The following SV2B variants were observed in gnomAD, a reference collection of about 807,000 sequenced individuals.
SV2B encodes the protein synaptic vesicle glycoprotein 2B.
Under a neutral mutation model 73.9 loss-of-function variants are expected in SV2B, and 41 were observed. The ratio of observed to expected loss-of-function variants is 0.56; its 90% confidence interval spans 0.43 to 0.72. The LOEUF is 0.72. Ranked by LOEUF, SV2B falls within the 30% of genes least tolerant of loss-of-function variation. The pLI is 0.00. For missense variants in SV2B, 764 were observed against 857.8 expected, an observed-to-expected ratio of 0.89 and a Z score of 1.37; for synonymous variants, 314 against 314.2, an observed-to-expected ratio of 1.00 and a Z score of 0.01.
chr15:91,240,143 G>A lies in SV2B; in HGVS notation c.452-11676G>A, dbSNP rs1287353890. 6.6e-6 allele frequency among the ~76,000 whole-genome samples: 1 copy of A among 152,226 alleles called. No homozygotes were observed. Among genetic ancestry groups the A allele is most frequent in the Admixed American group, 6.5e-5 (1 of 15,284 alleles). ...AGGGCTGTTGGGAACATGACCAACA[G>A]AGTCTATTGCAGGCACAAGGTTTTT... On this transcript the variant is annotated intron_variant, in intron 2 of 12. Coordinates refer to ENST00000394232, the MANE Select transcript of SV2B (RefSeq NM_001323032.3). The surrounding 1 kb of genome is among the most constrained non-coding windows in gnomAD (Gnocchi z 4.6).
At chr15:91,161,755 C>T (rs1272164712) in intron 1 of SV2B, among the ~76,000 whole-genome samples, 1 of 152,178 alleles carries the variant, frequency 6.6e-6, no homozygotes, top group Non-Finnish European at 1.5e-5. Flanking sequence ...TTTTTCTCCA[C>T]TCTGCCTATA....
chr15:91,173,547 G>A (rs201198420), intron 1 of SV2B, among the ~76,000 whole-genome samples: 1 of 152,124 alleles, frequency 6.6e-6, no homozygotes, highest in African/African-American at 2.4e-5. Context: ...CCCACCCAGG[G>A]CCACTGTCCT....
chr15:91,137,203 A>G lies in SV2B; in HGVS notation c.-392+36840A>G, dbSNP rs61262485. On this transcript the variant is annotated intron_variant, in intron 1 of 12. Coordinates refer to ENST00000394232, the MANE Select transcript of SV2B (RefSeq NM_001323032.3). The surrounding 1 kb of genome is among the most constrained non-coding windows in gnomAD (Gnocchi z 4.9). ...TTGTATAAATTCTTTAAATGGTTTT[A>G]TTAAAAACTTAAATACGTCAGTGGA... Among the ~76,000 whole-genome samples, 1,184 of 152,238 alleles carry G rather than the reference A, an allele frequency of 7.8e-3. 17 individuals are homozygous for G. Among genetic ancestry groups the G allele is most frequent in the African/African-American group, 0.027 (1,142 of 41,534 alleles).
intron 1 of SV2B, among the ~76,000 whole-genome samples, chr15:91,154,141 T>G (rs1254446005): frequency 6.8e-6 from 1 of 147,956 alleles, no homozygotes; most frequent in Admixed American, 6.8e-5. Context: ...ATATTTGATA[T>G]TAATTTATAT....
At position 91,115,109 on chromosome 15, in the gene SV2B, G is replaced by A. The variant is rs1200573337; in HGVS notation, c.-392+14746G>A. Among the ~76,000 whole-genome samples the A allele has an allele frequency of 1.3e-5, 2 of 152,196 alleles. No homozygotes were observed. On this transcript the variant is annotated intron_variant, in intron 1 of 12. Transcript: ENST00000394232. The surrounding 1 kb of genome is among the most constrained non-coding windows in gnomAD (Gnocchi z 4.3). ...TTGTTACTGAAAGAAGGGGACATAG[G>A]TCCTGAGCAGGCAAAGCCAACAGGT...
At chr15:91,134,496 C>A (rs2042757250) in intron 1 of SV2B, among the ~76,000 whole-genome samples, 1 of 152,098 alleles carries the variant, frequency 6.6e-6, no homozygotes. Context: ...AGGATCCAAA[C>A]CTGCAAGAGA....
Position 91,284,072 on chromosome 15 carries a change from T to C in SV2B, c.1559T>C (p.Leu520Pro). 1 of 1,614,204 alleles carries C rather than the reference T, an allele frequency of 6.2e-7. No homozygotes were observed. The highest frequency in any genetic ancestry group is 8.5e-7 in the Non-Finnish European group (1 of 1,180,030). ...TGTCGGTTTATCAACTCCACCTTCC[T>C]GGAGCAGAAGGAGGGCTGCCACATG... ...INCRFINSTF[L>P]EQKEGCHMDL... Residue 520 changes from leucine (L) to proline (P), a missense_variant, in exon 11 of 13, where the codon CTG becomes CCG. By Grantham distance (98) the Leu-to-Pro change is moderately conservative. Transcript: ENST00000394232. The surrounding 1 kb of genome is among the most constrained non-coding windows in gnomAD (Gnocchi z 4.5).
rs1005143 is a variant in SV2B at position 91,240,755 on chromosome 15, T to C, written c.452-11064T>C. Among the ~76,000 whole-genome samples the C allele has an allele frequency of 0.33, 49,468 of 152,042 alleles. 12,851 individuals are homozygous for C. Among genetic ancestry groups the C allele is most frequent in the African/African-American group, 0.73 (30,134 of 41,432 alleles). Reference sequence around the variant, plus strand: ...ATGTCTGCCAGGACACCCCTTACCATCCACATTTGCATTCCCGTATGACAC... The same window carrying C: ...ATGTCTGCCAGGACACCCCTTACCACCCACATTTGCATTCCCGTATGACAC... On this transcript the variant is annotated intron_variant, in intron 2 of 12. Transcript: ENST00000394232. This position sits in a 1 kb window ranked among gnomAD's most constrained non-coding sequence, Gnocchi z 4.6.
At chr15:91,287,400 C>T (rs2048895452) in intron 11 of SV2B, among the ~76,000 whole-genome samples, 1 of 152,218 alleles carries the variant, frequency 6.6e-6, no homozygotes, top group African/African-American at 2.4e-5. Flanking sequence ...TTGAGACCTG[C>T]TTCCTTCCCA....
rs1390016260 is a variant in SV2B at position 91,140,207 on chromosome 15, A to G, written c.-392+39844A>G. 1.3e-5 allele frequency among the ~76,000 whole-genome samples: 2 copies of G among 152,254 alleles called. No homozygotes were observed. The highest frequency in any genetic ancestry group is 4.8e-5 in the African/African-American group (2 of 41,470). ...TAACAAACATTCCGTGAGTATCACA[A>G]TGCTCATTATTTTTCTTCAAAGTAA... On this transcript the variant is annotated intron_variant, in intron 1 of 12. Coordinates refer to ENST00000394232, the MANE Select transcript of SV2B (RefSeq NM_001323032.3). This position sits in a 1 kb window ranked among gnomAD's most constrained non-coding sequence, Gnocchi z 4.4.
intron 1 of SV2B, among the ~76,000 whole-genome samples, chr15:91,176,477 C>T (rs2044313496): frequency 6.6e-6 from 1 of 152,138 alleles, no homozygotes; most frequent in Non-Finnish European, 1.5e-5. Flanking sequence ...CTGACTTCCA[C>T]AAGGGTTGAA....
At chr15:91,238,253 C>T (rs1296416781) in intron 2 of SV2B, among the ~76,000 whole-genome samples, 1 of 152,132 alleles carries the variant, frequency 6.6e-6, no homozygotes, top group Non-Finnish European at 1.5e-5. Flanking sequence ...ATCTGATAAG[C>T]TCTTTCTTTG....
rs1257250015 is a variant in SV2B at position 91,197,608 on chromosome 15, A to C, written c.-391-28265A>C. Among the ~76,000 whole-genome samples the C allele has an allele frequency of 6.6e-6, 1 of 152,240 alleles. No individual in the cohort carries two copies. Among genetic ancestry groups the C allele is most frequent in the Non-Finnish European group, 1.5e-5 (1 of 68,026 alleles). ...ATCACTGTAAAGACAAGAATGGATA[A>C]GTAAGGAGAGTTATCCCTAGGAATA... On this transcript the variant is annotated intron_variant, in intron 1 of 12. Transcript: ENST00000394232. This position sits in a 1 kb window ranked among gnomAD's most constrained non-coding sequence, Gnocchi z 4.9.
At chr15:91,107,080 G>A (rs963350248) in intron 1 of SV2B, among the ~76,000 whole-genome samples, 7 of 152,172 alleles carry the variant, frequency 4.6e-5, no homozygotes, top group Non-Finnish European at 1.0e-4. Flanking sequence ...GTGGTTGTGT[G>A]TGTGTGTGTG....
In SV2B at chr15:91,139,347, T is replaced by TTAAA. The variant is rs1555470886; in HGVS notation, c.-392+38984_-392+38985insTAAA. The stretch of plus-strand genomic sequence containing the variant: ...CTTGCAAATTTCCACAATAAAATGT[T>TTAAA]AAAAAAAAAGAAGTAAGGGAAACTT... On this transcript the variant is annotated intron_variant, in intron 1 of 12. Transcript: ENST00000394232. This position sits in a 1 kb window ranked among gnomAD's most constrained non-coding sequence, Gnocchi z 5.2. Among the ~76,000 whole-genome samples, 1 of 150,726 alleles carries TTAAA rather than the reference T, an allele frequency of 6.6e-6. No homozygotes were observed. The highest frequency in any genetic ancestry group is 1.5e-5 in the Non-Finnish European group (1 of 67,676).
chr15:91,152,851 G>T (rs1228431427), intron 1 of SV2B, among the ~76,000 whole-genome samples: 1 of 152,184 alleles, frequency 6.6e-6, no homozygotes, highest in Non-Finnish European at 1.5e-5. Context: ...CTCATACCAT[G>T]TATCTTAGTC....
intron 9 of SV2B, among the ~76,000 whole-genome samples, chr15:91,277,514 G>T (rs562545920): frequency 6.6e-6 from 1 of 151,896 alleles, no homozygotes; most frequent in Non-Finnish European, 1.5e-5. Flanking sequence ...CCAGTCCTTG[G>T]CAGCCAATGA....
At chr15:91,205,236 C>T (rs2045592120) in intron 1 of SV2B, among the ~76,000 whole-genome samples, 1 of 152,112 alleles carries the variant, frequency 6.6e-6, no homozygotes, top group Non-Finnish European at 1.5e-5. Flanking sequence ...AGAGTTTATT[C>T]AAGCGTGAAG....
chr15:91,123,600 G>C lies in SV2B; in HGVS notation c.-392+23237G>C, dbSNP rs992618141. ...CAAAAGTGGTCCCTGTGCATACTGT[G>C]TGACTTATGGCACACAAATGGGGAG... On this transcript the variant is annotated intron_variant, in intron 1 of 12. Coordinates refer to ENST00000394232, the MANE Select transcript of SV2B (RefSeq NM_001323032.3). This position sits in a 1 kb window ranked among gnomAD's most constrained non-coding sequence, Gnocchi z 4.7. Among the ~76,000 whole-genome samples the C allele has an allele frequency of 3.9e-5, 6 of 152,140 alleles. No individual in the cohort carries two copies. The highest frequency in any genetic ancestry group is 1.4e-4 in the African/African-American group (6 of 41,420).
Sources: gnomAD v4.1 joint callset for allele counts (sites outside exome capture counted in the v4.1 genomes callset) on GRCh38, gnomAD v4.1.1 for gene constraint, Gnocchi (gnomAD v3.1) non-coding constraint, MANE v1.5 for transcripts, NCBI Gene and HGNC (gene_info 2026-07-23, HGNC 2026-07-21) for gene names.